Variants in GABRG3 observed in about 807,000 individuals in gnomAD.
GABRG3 encodes the protein gamma-aminobutyric acid receptor subunit gamma-3.
Under a neutral mutation model 48.8 loss-of-function variants are expected in GABRG3, and 25 were observed. That is an observed-to-expected ratio of 0.51 (90% CI 0.37 to 0.72). The LOEUF is 0.72. Ranked by LOEUF, GABRG3 falls within the 30% of genes least tolerant of loss-of-function variation. The pLI is 0.00. For synonymous variants in GABRG3, 227 were observed against 217.6 expected (o/e 1.04, Z -0.38); for missense variants, 394 against 577.9 (o/e 0.68, Z 3.26).
chr15:27,129,571 G>A (rs1019015599), intron 3 of GABRG3, among the ~76,000 whole-genome samples: 1 of 152,120 alleles, frequency 6.6e-6, no homozygotes, highest in African/African-American at 2.4e-5. Flanking sequence ...AAGTAAAATT[G>A]CGGTCATATG....
intron 3 of GABRG3, among the ~76,000 whole-genome samples, chr15:27,184,019 C>T (rs933252923): frequency 1.4e-4 from 22 of 152,246 alleles, no homozygotes; most frequent in African/African-American, 4.3e-4. Context: ...AGTTTATTAA[C>T]GTGTATTTCA....
intron 6 of GABRG3, among the ~76,000 whole-genome samples, chr15:27,501,979 G>T (rs1204830665): frequency 6.6e-6 from 1 of 152,072 alleles, no homozygotes; most frequent in Non-Finnish European, 1.5e-5. Context: ...TGGCTATCAG[G>T]GATCTCAACC....
At chr15:27,462,850 T>C (rs1006349687) in intron 5 of GABRG3, among the ~76,000 whole-genome samples, 4 of 152,276 alleles carry the variant, frequency 2.6e-5, no homozygotes, top group Admixed American at 2.6e-4. Context: ...ATTTGTTAAA[T>C]AAACAAATTG....
At chr15:27,119,095 G>T (rs7174606) in intron 3 of GABRG3, among the ~76,000 whole-genome samples, 111,718 of 152,054 alleles carry the variant, frequency 0.73, 42,533 homozygotes, top group African/African-American at 0.93. Context: ...CCCTGTACCC[G>T]GAGGAAAGGT....
chr15:27,129,191 C>G (rs1239589970), intron 3 of GABRG3, among the ~76,000 whole-genome samples: 3 of 152,072 alleles, frequency 2.0e-5, no homozygotes, highest in Admixed American at 2.0e-4. Context: ...GAAATTTTAC[C>G]TCCTTTAAAC....
chr15:27,088,127 G>C (rs1595516342), intron 3 of GABRG3, among the ~76,000 whole-genome samples: 1 of 149,910 alleles, frequency 6.7e-6, no homozygotes, highest in South Asian at 2.1e-4. Context: ...GTGTGTGTGT[G>C]CACGCATGTG....
chr15:27,285,420 C>T (rs183431230), intron 3 of GABRG3, among the ~76,000 whole-genome samples: 1 of 152,112 alleles, frequency 6.6e-6, no homozygotes, highest in East Asian at 1.9e-4. Flanking sequence ...CTCCCCTGAA[C>T]CTCATTGTTC....
intron 5 of GABRG3, among the ~76,000 whole-genome samples, chr15:27,377,660 G>T (rs1895641370): frequency 6.6e-6 from 1 of 152,130 alleles, no homozygotes; most frequent in African/African-American, 2.4e-5. Flanking sequence ...ACCTCCCACT[G>T]GGTCCCTCCT....
At chr15:27,210,056 G>A (rs1388886166) in intron 3 of GABRG3, among the ~76,000 whole-genome samples, 1 of 152,134 alleles carries the variant, frequency 6.6e-6, no homozygotes, top group African/African-American at 2.4e-5. Flanking sequence ...CACTTTGGGG[G>A]TTAGGATTTC....
intron 3 of GABRG3, among the ~76,000 whole-genome samples, chr15:27,210,243 A>ATGT (rs1889030349): frequency 6.6e-6 from 1 of 152,142 alleles, no homozygotes; most frequent in Non-Finnish European, 1.5e-5. Flanking sequence ...CACCAAGAAC[A>ATGT]CCTGTAACTC....
rs1892296421 is a variant in GABRG3, at chr15:27,303,772, AC to A, written c.271-23036del. 8.6e-5 allele frequency among the ~76,000 whole-genome samples: 13 copies of A among 151,554 alleles called. 1 individual carries two copies. The South Asian group carries it at 2.7e-3, about 31-fold the overall frequency. On this transcript the variant is annotated intron_variant, in intron 3 of 9. Coordinates refer to ENST00000615808, the MANE Select transcript of GABRG3 (RefSeq NM_033223.5). ...TGTGTGTATATATATATATACACAC[AC>A]ATCTATGTATATACATATATCTATT... is the stretch of plus-strand genomic sequence containing the variant.
chr15:27,186,164 T>A (rs750316710), intron 3 of GABRG3, among the ~76,000 whole-genome samples: 7 of 152,192 alleles, frequency 4.6e-5, no homozygotes, highest in South Asian at 2.1e-4. Context: ...GCTTTTCAGA[T>A]CTTGGCCTGC....
At chr15:27,235,907 A>T (rs563783684) in intron 3 of GABRG3, among the ~76,000 whole-genome samples, 1 of 152,298 alleles carries the variant, frequency 6.6e-6, no homozygotes, top group South Asian at 2.1e-4. Context: ...AGTGATTAAG[A>T]TGATGAAAAG....
chr15:27,328,762 CTGTGCTG>C, intron 4 of GABRG3, 37 bp from the exon 5 acceptor site: 1 of 1,573,100 alleles, frequency 6.4e-7, no homozygotes, highest in Non-Finnish European at 8.7e-7. Flanking sequence ...CGGCCTTGCC[CTGTGCTG>C]TGTGCTGAGC....
At chr15:27,204,854 G>A (rs1221902799) in intron 3 of GABRG3, among the ~76,000 whole-genome samples, 2 of 152,110 alleles carry the variant, frequency 1.3e-5, no homozygotes, top group African/African-American at 2.4e-5. Context: ...TGTTATTGGT[G>A]TGTAGAAATG....
Position 27,319,988 on chromosome 15 carries a change from A to AT in GABRG3, c.271-6820dup, listed in dbSNP as rs1034893182. ...GAGAAAAGGCAGGATGTCTATAGCA[A>AT]TGTGCAAGGGGCACCTGCTTCCACC... is the stretch of plus-strand genomic sequence containing the variant. On this transcript the variant is annotated intron_variant, in intron 3 of 9. Transcript: ENST00000615808. The surrounding 1 kb of genome is among the most constrained non-coding windows in gnomAD (Gnocchi z 4.4). Among the ~76,000 whole-genome samples the AT allele has an allele frequency of 9.9e-5, 15 of 152,168 alleles. No homozygotes were observed. The highest frequency in any genetic ancestry group is 3.3e-4 in the Admixed American group (5 of 15,278).
At chr15:27,351,217 C>A (rs945988395) in intron 5 of GABRG3, among the ~76,000 whole-genome samples, 5 of 93,376 alleles carry the variant, frequency 5.4e-5, no homozygotes, top group African/African-American at 2.2e-4. Context: ...GGTGTTTGTG[C>A]GTGTATGGTG....
intron 5 of GABRG3, among the ~76,000 whole-genome samples, chr15:27,411,751 A>G (rs942995009): frequency 4.6e-5 from 7 of 152,136 alleles, no homozygotes; most frequent in African/African-American, 7.2e-5. Flanking sequence ...CTCCCCTTCA[A>G]ATAACACCAT....
chr15:27,008,772 C>G (rs900398439), intron 2 of GABRG3, among the ~76,000 whole-genome samples: 2 of 152,212 alleles, frequency 1.3e-5, no homozygotes, highest in African/African-American at 4.8e-5. Context: ...AGAGCAGCCA[C>G]TGCTCACTTT....
Sources: gnomAD v4.1 joint callset for allele counts (sites outside exome capture counted in the v4.1 genomes callset) on GRCh38, gnomAD v4.1.1 for gene constraint, Gnocchi (gnomAD v3.1) non-coding constraint, MANE v1.5 for transcripts, NCBI Gene and HGNC (gene_info 2026-07-23, HGNC 2026-07-21) for gene names.